Variants in NCOA7 observed in about 807,000 individuals in gnomAD.
NCOA7 encodes 140 kDa estrogen receptor-associated protein.
A neutral mutation model predicts 104.3 loss-of-function variants in NCOA7; 45 were observed. That is an observed-to-expected ratio of 0.43 (90% CI 0.34 to 0.55). NCOA7 has a LOEUF of 0.55. Among genes scored for constraint, NCOA7 ranks in the 20% least tolerant of loss-of-function variants. The pLI is 0.02. For synonymous variants in NCOA7, 398 were observed against 402.3 expected, an observed-to-expected ratio of 0.99 and a Z score of 0.13; for missense variants, 1,041 against 1,119.7, an observed-to-expected ratio of 0.93 and a Z score of 1.00.
intron 2 of NCOA7, among the ~76,000 whole-genome samples, chr6:125,835,397 A>AT (rs1352452895): frequency 1.3e-5 from 2 of 151,990 alleles, no homozygotes; most frequent in African/African-American, 2.4e-5. Flanking sequence ...AAAAAAAAAA[A>AT]GGAATATGGA....
chr6:125,823,572 T>C (rs1037013492), intron 2 of NCOA7, among the ~76,000 whole-genome samples: 17 of 152,338 alleles, frequency 1.1e-4, no homozygotes, highest in African/African-American at 4.1e-4. Context: ...TACAAATTGC[T>C]TGACATTCAT....
intron 3 of NCOA7, among the ~76,000 whole-genome samples, chr6:125,865,701 T>C (rs1342175954): frequency 7.3e-6 from 1 of 137,164 alleles, no homozygotes; most frequent in Non-Finnish European, 1.5e-5. Flanking sequence ...TCTCTCTCTG[T>C]TGTCCAGGCT....
chr6:125,881,330 G>A, intron 6 of NCOA7, 127 bp downstream of exon 6: 2 of 735,454 alleles, frequency 2.7e-6, no homozygotes, highest in Non-Finnish European at 4.5e-6. Flanking sequence ...TTAGGTAATT[G>A]GAGAATGCAT....
intron 10 of NCOA7, among the ~76,000 whole-genome samples, chr6:125,903,709 CT>C (rs386408527): frequency 1.1e-3 from 157 of 143,768 alleles, no homozygotes; most frequent in Middle Eastern, 3.6e-3. Context: ...TTACTACCTT[CT>C]TTTTTTTTTT....
At chr6:125,879,656 T>C (rs760388102) in intron 5 of NCOA7, among the ~76,000 whole-genome samples, 14 of 152,220 alleles carry the variant, frequency 9.2e-5, no homozygotes, top group African/African-American at 3.1e-4. Flanking sequence ...TCAGTTGTTA[T>C]ATGATTAGCT....
chr6:125,848,477 A>G (rs1411703097), intron 2 of NCOA7, among the ~76,000 whole-genome samples: 1 of 152,238 alleles, frequency 6.6e-6, no homozygotes, highest in Non-Finnish European at 1.5e-5. Context: ...GCCATAAAAA[A>G]GGATGAGTTC....
intron 3 of NCOA7, among the ~76,000 whole-genome samples, chr6:125,856,743 G>A (rs908970956): frequency 2.0e-5 from 3 of 152,092 alleles, no homozygotes; most frequent in Non-Finnish European, 4.4e-5. Context: ...GCTAGGAAAG[G>A]GAGAGAAAGC....
upstream of NCOA7, among the ~76,000 whole-genome samples, chr6:125,790,069 GTC>G (rs1774687350): frequency 1.3e-5 from 2 of 152,230 alleles, no homozygotes; most frequent in Non-Finnish European, 2.9e-5. Flanking sequence ...TCTGCCAAGA[GTC>G]GGCTGGAGGG....
Position 125,885,197 on chromosome 6 carries a change from C to G in NCOA7, c.738C>G (p.Asn246Lys). ...GTGTTATGATAGTGACTCCTAACAA[C>G]ATCATGTTTGACCCTCATAAATCTG... ...VGGVMIVTPN[N>K]IMFDPHKSDP... The change falls in exon 8 of 16, where the codon AAC (asparagine) becomes AAG (lysine). Residue 246 changes from asparagine (N) to lysine (K), a missense_variant. Around this residue, in one of 2 missense-constraint regions of NCOA7, gnomAD observed 914 missense variants for 942.7 expected, o/e 0.97. Transcript: ENST00000392477. 1.2e-6 allele frequency: 2 copies of G among 1,614,006 alleles called. No homozygotes were observed. Among genetic ancestry groups the G allele is most frequent in the Non-Finnish European group, 1.7e-6 (2 of 1,179,924 alleles).
At chr6:125,832,162 ATAAT>A (rs1408154701) in intron 2 of NCOA7, among the ~76,000 whole-genome samples, 2 of 152,214 alleles carry the variant, frequency 1.3e-5, no homozygotes, top group Non-Finnish European at 2.9e-5. Flanking sequence ...ATAAAAAAAA[ATAAT>A]TAATCCAAAT....
At chr6:125,902,638 A>C (rs984341164) in intron 10 of NCOA7, among the ~76,000 whole-genome samples, 1 of 152,210 alleles carries the variant, frequency 6.6e-6, no homozygotes, top group Non-Finnish European at 1.5e-5. Context: ...GGTTTGTTTC[A>C]AGCATCAACT....
At chr6:125,836,306 A>T (rs1020124206) in intron 2 of NCOA7, among the ~76,000 whole-genome samples, 1 of 152,190 alleles carries the variant, frequency 6.6e-6, no homozygotes, top group Non-Finnish European at 1.5e-5. Flanking sequence ...TGCTGATGCC[A>T]TTGTGAAGTT....
In NCOA7 at chr6:125,929,018, A is replaced by C; in HGVS notation, c.*247A>C. On this transcript the variant is annotated 3_prime_UTR_variant, in exon 16 of 16. Transcript: ENST00000392477. ...GACTTTGTACTCCCACTTCCTCCAA[A>C]TCCATACAGTGAGGAATCAGAGTGT... 5.3e-6 allele frequency: 2 copies of C among 377,734 alleles called. No homozygotes were observed. Among genetic ancestry groups the C allele is most frequent in the Non-Finnish European group, 4.7e-6 (1 of 212,424 alleles). 23.4% of individuals were successfully genotyped at this position (377,734 alleles called of 1,614,324 possible). A position where few individuals can be genotyped will look rare whatever the true frequency, so the allele number is the denominator to read the frequency against.
chr6:125,811,586 G>T (rs1777009086), intron 1 of NCOA7, among the ~76,000 whole-genome samples: 2 of 152,178 alleles, frequency 1.3e-5, no homozygotes, highest in East Asian at 3.8e-4. Context: ...GTTGCCTCGT[G>T]CCTGAGGAAA....
chr6:125,911,848 A>G (rs1169962126), intron 10 of NCOA7, among the ~76,000 whole-genome samples: 2 of 152,106 alleles, frequency 1.3e-5, no homozygotes, highest in Non-Finnish European at 2.9e-5. Flanking sequence ...GGTCGTACAC[A>G]TCTTGAGGGC....
chr6:125,838,095 A>G (rs928494833), intron 2 of NCOA7, among the ~76,000 whole-genome samples: 1 of 152,176 alleles, frequency 6.6e-6, no homozygotes, highest in African/African-American at 2.4e-5. Context: ...GAACTCATAA[A>G]AGGCAGATTA....
At chr6:125,902,568 C>T (rs574146410) in intron 10 of NCOA7, among the ~76,000 whole-genome samples, 2 of 151,204 alleles carry the variant, frequency 1.3e-5, no homozygotes, top group Non-Finnish European at 2.9e-5. Context: ...GTTCAATAAA[C>T]TAGATTGTAA....
At chr6:125,799,258 T>TC (rs1775645714) in intron 1 of NCOA7, among the ~76,000 whole-genome samples, 1 of 150,948 alleles carries the variant, frequency 6.6e-6, no homozygotes, top group African/African-American at 2.5e-5. Context: ...GCCTTTGCTG[T>TC]CCTTGCTAGC....
intron 10 of NCOA7, among the ~76,000 whole-genome samples, chr6:125,907,133 A>T (rs757780678): frequency 2.0e-4 from 31 of 152,152 alleles, no homozygotes; most frequent in Non-Finnish European, 3.1e-4. Flanking sequence ...GAGGCATAGC[A>T]TGAGGGCCCT....
Sources: gnomAD v4.1 joint callset for allele counts (sites outside exome capture counted in the v4.1 genomes callset) on GRCh38, gnomAD v4.1.1 for gene constraint, gnomAD v4.1.1 regional missense constraint, MANE v1.5 for transcripts, NCBI Gene and HGNC (gene_info 2026-07-23, HGNC 2026-07-21) for gene names.